NUAK2: variants seen among roughly 807,000 people sequenced by gnomAD.
NUAK2 encodes the protein NUAK family kinase 2.
NUAK2 carries 20 observed loss-of-function variants against 29.8 expected under a neutral mutation model. The ratio of observed to expected loss-of-function variants is 0.67; its 90% CI spans 0.47 to 0.98. The LOEUF (loss-of-function observed/expected upper bound fraction) is 0.98, where lower values mean the gene tolerates loss of function less well. NUAK2 is among the 50% of genes least tolerant of loss of function. The pLI is 0.00. For synonymous variants in NUAK2, 331 were observed against 342.6 expected, an observed-to-expected ratio of 0.97 and a Z score of 0.37; for missense variants, 719 against 834.5, an observed-to-expected ratio of 0.86 and a Z score of 1.71.
intron 1 of NUAK2, among the ~76,000 whole-genome samples, chr1:205,320,591 A>G (rs1291967434): frequency 6.6e-6 from 1 of 152,160 alleles, no homozygotes; most frequent in African/African-American, 2.4e-5. Flanking sequence ...ATGTGTTAGG[A>G]GCAATATAAG....
chr1:205,306,312 A>G lies in NUAK2; in HGVS notation c.571-5T>C. 1 of 1,609,530 alleles carries G rather than the reference A, an allele frequency of 6.2e-7. No homozygotes were observed. Among genetic ancestry groups the G allele is most frequent in the South Asian group, 1.1e-5 (1 of 90,510 alleles). On this transcript the variant is annotated splice_region_variant and splice_polypyrimidine_tract_variant and intron_variant, in intron 4 of 6. Coordinates refer to ENST00000367157, the MANE Select transcript of NUAK2 (RefSeq NM_030952.3). Reference sequence around the variant, plus strand: ...GGAGAGACCGAAGTCAGCAATCTGCAGGATTGAGTCAAACACGGGCACAGG... The same window carrying G: ...GGAGAGACCGAAGTCAGCAATCTGCGGGATTGAGTCAAACACGGGCACAGG...
At chr1:205,307,107 C>T (rs1042944927) in intron 4 of NUAK2, among the ~76,000 whole-genome samples, 19 of 152,262 alleles carry the variant, frequency 1.2e-4, no homozygotes, top group African/African-American at 2.9e-4. Flanking sequence ...TCTCGTTGCC[C>T]GGAGAGACCC....
chr1:205,311,948 C>T (rs1438700195), intron 1 of NUAK2, 123 bp from the exon 2 acceptor site: 1 of 1,231,626 alleles, frequency 8.1e-7, no homozygotes. Context: ...AGAAGCCACT[C>T]CATCCTTCAC....
chr1:205,303,657 A>T lies in NUAK2; in HGVS notation c.1680T>A (p.Pro560=). 6.4e-7 allele frequency: 1 copy of T among 1,574,414 alleles called. No homozygotes were observed. Residue 560 remains proline (P), a synonymous_variant, in exon 7 of 7, where the codon CCT becomes CCA. Transcript: ENST00000367157. ...SSESFDQLDL[P]ERLPEPPLRG... ...GCAGTGGGGGCTCTGGGAGCCGTTC[A>T]GGCAAGTCCAGCTGGTCAAAGGACT...
At chr1:205,305,575 A>ATC (rs1662169168) in intron 5 of NUAK2, 1 of 923,798 alleles carries the variant, frequency 1.1e-6, no homozygotes, top group Admixed American at 6.2e-5. Flanking sequence ...GTTGTGACAG[A>ATC]TATCATCTCT....
rs189482542 is a variant in NUAK2, at chr1:205,318,152, G to A, written c.231+3246C>T. On this transcript the variant is annotated intron_variant, in intron 1 of 6. Transcript: ENST00000367157. ...GATTTGAATGCTTGCAACCTTGACTGTCAGCTAGGCAGCATCCCCAACAAG... is the reference window on the plus strand; with the variant it reads ...GATTTGAATGCTTGCAACCTTGACTATCAGCTAGGCAGCATCCCCAACAAG... Among the ~76,000 whole-genome samples the A allele has an allele frequency of 2.0e-5, 3 of 152,334 alleles. No individual in the cohort carries two copies. In the East Asian group the frequency reaches 5.8e-4, roughly 29 times the overall value.
chr1:205,306,216 A>C lies in NUAK2; in HGVS notation c.662T>G (p.Val221Gly). Residue 221 changes from valine to glycine, a missense_variant, in exon 5 of 7, where the codon GTC becomes GGC. Transcript: ENST00000367157. ...TGGGCCTGTGTAGGGCTTCCCATTG[A>C]CAATCTCTGGCGAGGCATAGAGGGG... Reference protein sequence around the residue: ...GSPLYASPEIVNGKPYTGPEV... With the variant: ...GSPLYASPEIGNGKPYTGPEV... 1 of 1,613,702 alleles carries C rather than the reference A, an allele frequency of 6.2e-7. No homozygotes were observed. The highest frequency in any genetic ancestry group is 8.5e-7 in the Non-Finnish European group (1 of 1,179,776).
At chr1:205,310,691 T>TAC (rs138804712) in intron 2 of NUAK2, among the ~76,000 whole-genome samples, 1 of 151,714 alleles carries the variant, frequency 6.6e-6, no homozygotes, top group Non-Finnish European at 1.5e-5. Context: ...CACATATATA[T>TAC]ACACACACAC....
rs747384088 is a variant in NUAK2 at position 205,308,458 on chromosome 1, A to G, written c.504+123T>C. The stretch of plus-strand genomic sequence containing the variant: ...ACTGACATTTCCCTGAGAGTCCAGA[A>G]TCTAGTTTTGCCTCTGTTTCTGTGT... On this transcript the variant is annotated intron_variant, in intron 3 of 6. Coordinates refer to ENST00000367157, the MANE Select transcript of NUAK2 (RefSeq NM_030952.3). The surrounding 1 kb of genome is among the most constrained non-coding windows in gnomAD (Gnocchi z 4.1). 2.0e-5 allele frequency: 22 copies of G among 1,102,926 alleles called. 1 individual carries two copies. The highest frequency in any genetic ancestry group is 2.7e-5 in the Non-Finnish European group (20 of 751,486). The allele number at this position is 1,102,926 out of a possible 1,614,324, so 68.3% of individuals were successfully genotyped here. A position where few individuals can be genotyped will look rare whatever the true frequency, so the allele number is the denominator to read the frequency against.
chr1:205,321,577 C>T lies in NUAK2; in HGVS notation c.52G>A (p.Glu18Lys). Residue 18 changes from glutamate to lysine, a missense_variant, in exon 1 of 7, where the codon GAG becomes AAG. Glu to Lys is a moderately conservative substitution (Grantham distance 56, BLOSUM62 1). This residue lies in a region of NUAK2 where 283 missense variants were observed against 345.6 expected (regional missense o/e 0.82). Transcript: ENST00000367157. Reference sequence around the variant, plus strand: ...CCTTCCGCCAGCGGCCGGGCTAGCTCTGCGGCCGAGGGAGTGGGGCCGGAG... The same window carrying T: ...CCTTCCGCCAGCGGCCGGGCTAGCTTTGCGGCCGAGGGAGTGGGGCCGGAG... ...RRSGPTPSAA[E>K]LARPLAEGLI... 1 of 1,613,300 alleles carries T rather than the reference C, an allele frequency of 6.2e-7. No individual in the cohort carries two copies. The highest frequency in any genetic ancestry group is 8.5e-7 in the Non-Finnish European group (1 of 1,179,872).
At chr1:205,305,646 G>A (rs114387304) in intron 5 of NUAK2, 18,442 of 358,042 alleles carry the variant, frequency 0.052, 545 homozygotes, top group Non-Finnish European at 0.061. Flanking sequence ...AGGAATGTGA[G>A]GGAGGCAAAG....
chr1:205,315,982 G>A (rs991050917), intron 1 of NUAK2, among the ~76,000 whole-genome samples: 1 of 152,130 alleles, frequency 6.6e-6, no homozygotes, highest in Non-Finnish European at 1.5e-5. Flanking sequence ...GACAGTCCTG[G>A]TCTAATTACT....
chr1:205,305,465 A>C, intron 5 of NUAK2, 134 bp from the exon 6 acceptor site: 1 of 1,435,152 alleles, frequency 7.0e-7, no homozygotes. Flanking sequence ...GGGATGCTGC[A>C]GAAGGGGTCT....
intron 1 of NUAK2, among the ~76,000 whole-genome samples, chr1:205,315,883 T>A (rs540998399): frequency 3.0e-4 from 44 of 148,662 alleles, no homozygotes; most frequent in South Asian, 1.3e-3. Context: ...AAAAAAAAAA[T>A]AAAAAATAAA....
At position 205,311,738 on chromosome 1, in the gene NUAK2, G is replaced by T; in HGVS notation, c.319C>A (p.Leu107Ile). 6.2e-7 allele frequency: 1 copy of T among 1,614,202 alleles called. No homozygotes were observed. The highest frequency in any genetic ancestry group is 1.1e-5 in the South Asian group (1 of 91,080). Residue 107 changes from leucine (L) to isoleucine (I), a missense_variant, in exon 2 of 7, where the codon CTC (leucine) becomes ATC (isoleucine). Around this residue, in one of 3 missense-constraint regions of NUAK2, gnomAD observed 283 missense variants for 345.6 expected, o/e 0.82. Transcript: ENST00000367157. ...ATGGCAATGATGTGAGGGTGGTTGA[G>T]TGATGACATGATCTCAATCTCCCTC... ...IRREIEIMSS[L>I]NHPHIIAIHE...
chr1:205,313,171 T>G (rs1206716751), intron 1 of NUAK2, among the ~76,000 whole-genome samples: 1 of 152,106 alleles, frequency 6.6e-6, no homozygotes, highest in African/African-American at 2.4e-5. Context: ...TTAACGCTAC[T>G]GGTACACTTA....
At chr1:205,309,473 C>T (rs926693016) in intron 2 of NUAK2, among the ~76,000 whole-genome samples, 11 of 152,106 alleles carry the variant, frequency 7.2e-5, no homozygotes, top group Non-Finnish European at 1.0e-4. Flanking sequence ...ATTAAAGGTG[C>T]GCGCCACCAT....
At chr1:205,314,646 T>C (rs1662301786) in intron 1 of NUAK2, among the ~76,000 whole-genome samples, 1 of 152,218 alleles carries the variant, frequency 6.6e-6, no homozygotes, top group Admixed American at 6.5e-5. Flanking sequence ...TAAAATTCTT[T>C]GTTTAAAATA....
intron 4 of NUAK2, among the ~76,000 whole-genome samples, chr1:205,306,610 C>T (rs1356997021): frequency 6.6e-6 from 1 of 152,158 alleles, no homozygotes; most frequent in Admixed American, 6.5e-5. Context: ...GTCTCATGCC[C>T]ATATCCCTTG....
Sources: allele counts gnomAD v4.1 joint callset (sites outside exome capture counted in the v4.1 genomes callset), GRCh38; gene constraint gnomAD v4.1.1; regional missense constraint gnomAD v4.1.1; non-coding constraint Gnocchi (gnomAD v3.1); transcripts MANE v1.5; gene names NCBI Gene and HGNC (gene_info 2026-07-23, HGNC 2026-07-21).